Variants in IL17RD observed in about 807,000 individuals in gnomAD.
IL17RD encodes the protein interleukin 17 receptor D, also known as interleukin-17 receptor D.
In IL17RD, 52 loss-of-function variants were observed where a neutral mutation model predicts 80.5. That is an observed-to-expected ratio of 0.65 (90% CI 0.52 to 0.81). The LOEUF is 0.81. Ranked by LOEUF, IL17RD falls within the 40% of genes least tolerant of loss-of-function variation. IL17RD has a pLI of 0.00. For synonymous variants in IL17RD, 416 were observed against 391.8 expected (o/e 1.06, Z -0.73); for missense variants, 1,024 against 955.1 (o/e 1.07, Z -0.95).
chr3:57,141,035 A>G lies in IL17RD; in HGVS notation c.127-20722T>C, dbSNP rs376817971. ...AGCCTTCTAAGTAGCTGGGAGAACT[A>G]CAGGCGTGTACCATCATGCCTGGCT... is the stretch of plus-strand genomic sequence containing the variant. On this transcript the variant is annotated intron_variant, in intron 1 of 12. Coordinates refer to ENST00000296318, the MANE Select transcript of IL17RD (RefSeq NM_017563.5). Among the ~76,000 whole-genome samples, 65 of 152,110 alleles carry G rather than the reference A, an allele frequency of 4.3e-4. 4 individuals are homozygous for G. Among genetic ancestry groups the G allele is most frequent in the Admixed American group, 2.2e-3 (33 of 15,272 alleles).
intron 1 of IL17RD, chr3:57,150,635 G>A (rs1708041056): frequency 6.6e-6 from 1 of 152,242 alleles, no homozygotes; most frequent in Non-Finnish European, 1.5e-5. Context: ...CGCCTCACCA[G>A]ATTTCCTCTG....
chr3:57,140,571 A>G lies in IL17RD; in HGVS notation c.127-20258T>C, dbSNP rs116190539. ...ATTTTCAGACCATCCTGTTTTGGGC[A>G]TTATTCAACATTTGCTGCCATTTGA... On this transcript the variant is annotated intron_variant, in intron 1 of 12. Coordinates refer to ENST00000296318, the MANE Select transcript of IL17RD (RefSeq NM_017563.5). 5.8e-4 allele frequency among the ~76,000 whole-genome samples: 88 copies of G among 152,326 alleles called. 1 individual carries two copies. Among genetic ancestry groups the G allele is most frequent in the Non-Finnish European group, 1.1e-3 (75 of 68,024 alleles).
rs550883735 is a variant in IL17RD, at chr3:57,143,472, C to T, written c.126+21689G>A. Reference sequence around the variant, plus strand: ...GCCCTGCTACTGCCTCCCTAGAGTGCAAGGAACATCTCCAGGGTCTACAGC... The same window carrying T: ...GCCCTGCTACTGCCTCCCTAGAGTGTAAGGAACATCTCCAGGGTCTACAGC... On this transcript the variant is annotated intron_variant, in intron 1 of 12. Transcript: ENST00000296318. Among the ~76,000 whole-genome samples, 120 of 152,204 alleles carry T rather than the reference C, an allele frequency of 7.9e-4. 1 individual carries two copies. Among genetic ancestry groups the T allele is most frequent in the Non-Finnish European group, 1.4e-3 (95 of 68,018 alleles).
chr3:57,134,559 A>T, intron 1 of IL17RD: 2 of 1,396,594 alleles, frequency 1.4e-6, no homozygotes, highest in Non-Finnish European at 2.0e-6. Context: ...CATGGAACAC[A>T]TCCTCAAGCT....
chr3:57,168,575 A>G (rs1176809338), upstream of IL17RD, among the ~76,000 whole-genome samples: 1 of 152,244 alleles, frequency 6.6e-6, no homozygotes, highest in East Asian at 1.9e-4. Flanking sequence ...CAGGAGAGCC[A>G]CAGACACCAA....
intron 1 of IL17RD, among the ~76,000 whole-genome samples, chr3:57,132,816 C>CT (rs1016739443): frequency 2.0e-5 from 3 of 151,416 alleles, no homozygotes; most frequent in Admixed American, 6.6e-5. Flanking sequence ...AATTCTTATT[C>CT]TTTTTTTTTC....
At chr3:57,115,797 A>T (rs928074634) in intron 2 of IL17RD, among the ~76,000 whole-genome samples, 1 of 152,168 alleles carries the variant, frequency 6.6e-6, no homozygotes, top group Non-Finnish European at 1.5e-5. Flanking sequence ...AAAGATCATC[A>T]GTTCCATCAA....
chr3:57,165,780 G>A (rs1343273856), upstream of IL17RD, among the ~76,000 whole-genome samples: 1 of 152,106 alleles, frequency 6.6e-6, no homozygotes, highest in Admixed American at 6.6e-5. Flanking sequence ...AAAGTTAGGG[G>A]AACGTGACAG....
At chr3:57,167,915 C>T (rs1013959411), upstream of IL17RD, among the ~76,000 whole-genome samples, 9 of 152,292 alleles carry the variant, frequency 5.9e-5, no homozygotes, top group African/African-American at 2.2e-4. Flanking sequence ...ACTGCAACCT[C>T]CGCTTCCCAG....
chr3:57,169,315 C>G (rs1020755147), upstream of IL17RD: 27 of 501,100 alleles, frequency 5.4e-5, no homozygotes, highest in Admixed American at 5.5e-4. Context: ...TGATTCACCT[C>G]TGCCCCCATG....
chr3:57,133,915 G>T lies in IL17RD; in HGVS notation c.127-13602C>A, dbSNP rs145051611. Among the ~76,000 whole-genome samples the T allele has an allele frequency of 3.0e-3, 459 of 152,296 alleles. 1 individual carries two copies. Among genetic ancestry groups the T allele is most frequent in the African/African-American group, 0.01 (433 of 41,536 alleles). On this transcript the variant is annotated intron_variant, in intron 1 of 12. Coordinates refer to ENST00000296318, the MANE Select transcript of IL17RD (RefSeq NM_017563.5). ...CAATGTATCTTGCCACTTCATTAAG[G>T]CTTCCCATGGAGAAATGTTTACAAA...
chr3:57,155,468 G>A (rs1022150057), intron 1 of IL17RD, among the ~76,000 whole-genome samples: 3 of 152,218 alleles, frequency 2.0e-5, no homozygotes, highest in African/African-American at 4.8e-5. Context: ...CCTCTAACCA[G>A]TATGTGGCCC....
chr3:57,126,267 G>A (rs1196189858), intron 1 of IL17RD, among the ~76,000 whole-genome samples: 1 of 152,204 alleles, frequency 6.6e-6, no homozygotes, highest in Non-Finnish European at 1.5e-5. Flanking sequence ...AGGGAGCTAA[G>A]CAGCAAGCCC....
At chr3:57,163,481 C>T (rs894302749) in intron 1 of IL17RD, among the ~76,000 whole-genome samples, 1 of 151,918 alleles carries the variant, frequency 6.6e-6, no homozygotes, top group Non-Finnish European at 1.5e-5. Context: ...TGTACAGTGG[C>T]ATAAGAAGCC....
At chr3:57,162,174 T>C (rs2060309531) in intron 1 of IL17RD, among the ~76,000 whole-genome samples, 1 of 152,226 alleles carries the variant, frequency 6.6e-6, no homozygotes, top group South Asian at 2.1e-4. Context: ...AAAATACACA[T>C]TCCTGCAAGG....
chr3:57,118,031 C>T (rs1707253848), intron 2 of IL17RD, among the ~76,000 whole-genome samples: 2 of 152,288 alleles, frequency 1.3e-5, no homozygotes, highest in South Asian at 4.1e-4. Flanking sequence ...TCCTCCTTCA[C>T]AAACCCCATA....
At chr3:57,146,019 A>G (rs1403606667) in intron 1 of IL17RD, among the ~76,000 whole-genome samples, 13 of 143,276 alleles carry the variant, frequency 9.1e-5, no homozygotes, top group South Asian at 2.2e-4. Flanking sequence ...GCGTGCGCGC[A>G]CACACACACT....
At chr3:57,118,770 T>C (rs763241565) in intron 2 of IL17RD, among the ~76,000 whole-genome samples, 6 of 152,172 alleles carry the variant, frequency 3.9e-5, no homozygotes, top group Non-Finnish European at 7.3e-5. Context: ...GAATGTACAT[T>C]GCAGTCAGCT....
At chr3:57,105,410 G>A (rs1201537363) in intron 7 of IL17RD, among the ~76,000 whole-genome samples, 1 of 150,554 alleles carries the variant, frequency 6.6e-6, no homozygotes, top group Non-Finnish European at 1.5e-5. Context: ...GGTGGCATGC[G>A]CCTATAATCC....
Sources: allele counts gnomAD v4.1 joint callset (sites outside exome capture counted in the v4.1 genomes callset), GRCh38; gene constraint gnomAD v4.1.1; transcripts MANE v1.5; gene names NCBI Gene and HGNC (gene_info 2026-07-23, HGNC 2026-07-21).